Variants in MTMR9 observed in about 807,000 individuals in gnomAD.
MTMR9 encodes the protein myotubularin related protein 9.
Under a neutral mutation model 69.5 loss-of-function variants are expected in MTMR9, and 39 were observed. The ratio of observed to expected loss-of-function variants is 0.56; its 90% CI spans 0.43 to 0.73. The LOEUF (loss-of-function observed/expected upper bound fraction) is 0.73. Among genes scored for constraint, MTMR9 ranks in the 30% least tolerant of loss-of-function variants. The pLI is 0.00. For missense variants in MTMR9, 900 were observed against 671.2 expected, an observed-to-expected ratio of 1.34 and a Z score of -3.77; for synonymous variants, 354 against 240.8, an observed-to-expected ratio of 1.47 and a Z score of -4.35.
rs940735241 is a variant in MTMR9 at position 11,316,798 on chromosome 8, T to G, written c.1239T>G (p.Cys413Trp). ...GGCAGATCCTTCGTCAGTTTCCCTG[T>G]TCTTTTGAGTTTAATGAGAATTTCC... ...CVWQILRQFP[C>W]SFEFNENFLI... The change falls in exon 8 of 10, where the codon TGT becomes TGG. Residue 413 changes from cysteine to tryptophan, a missense_variant. Physicochemically the swap from Cys to Trp is radical, Grantham distance 215. Coordinates refer to ENST00000221086, the MANE Select transcript of MTMR9 (RefSeq NM_015458.4). 1.9e-6 allele frequency: 3 copies of G among 1,613,816 alleles called. No individual in the cohort carries two copies. The Admixed American group carries it at 5.0e-5, about 27-fold the overall frequency.
chr8:11,309,716 G>A (rs1800115205), intron 6 of MTMR9, 28 bp downstream of exon 6: 8 of 1,608,104 alleles, frequency 5.0e-6, no homozygotes, highest in African/African-American at 1.3e-5. Context: ...GTTCCTGAGC[G>A]AAACATGGCG....
intron 1 of MTMR9, among the ~76,000 whole-genome samples, chr8:11,287,738 T>TATTATAATATA: frequency 7.4e-6 from 1 of 135,390 alleles, no homozygotes; most frequent in African/African-American, 2.8e-5. Flanking sequence ...ATATTATATA[T>TATTATAATATA]TATTTTCTTA....
chr8:11,325,929 C>T lies in MTMR9; in HGVS notation c.*3141C>T, dbSNP rs896562587. On this transcript the variant is annotated 3_prime_UTR_variant, in exon 10 of 10. Transcript: ENST00000221086. Reference sequence around the variant, plus strand: ...AAGACTTGGGGGGGACAATAATAGACATTCATGTCAGATCCCATATGGGGG... The same window carrying T: ...AAGACTTGGGGGGGACAATAATAGATATTCATGTCAGATCCCATATGGGGG... 3.9e-5 allele frequency: 6 copies of T among 152,052 alleles called. No homozygotes were observed. Among genetic ancestry groups the T allele is most frequent in the African/African-American group, 1.4e-4 (6 of 41,398 alleles). The allele number at this position is 152,052 out of a possible 1,614,324, so 9.4% of individuals were successfully genotyped here.
chr8:11,315,058 G>C lies in MTMR9; in HGVS notation c.1107G>C (p.Trp369Cys). Residue 369 changes from tryptophan (W) to cysteine (C), a missense_variant, in exon 7 of 10, where the codon TGG (tryptophan) becomes TGC (cysteine). Trp to Cys is a radical substitution (Grantham distance 215). Coordinates refer to ENST00000221086, the MANE Select transcript of MTMR9 (RefSeq NM_015458.4). ...TTGAGGCCCTGATTGAAAGAGAGTG[G>C]CTGCAGGTGAGAAGAGCTGTTTGAT... Reference protein sequence around the residue: ...RGFEALIEREWLQAGHPFQQR... With the variant: ...RGFEALIERECLQAGHPFQQR... 2 of 1,613,438 alleles carry C rather than the reference G, an allele frequency of 1.2e-6. No individual in the cohort carries two copies. The highest frequency in any genetic ancestry group is 1.3e-5 in the African/African-American group (1 of 75,026).
chr8:11,288,377 CA>C (rs1799268617), intron 1 of MTMR9, among the ~76,000 whole-genome samples: 2 of 141,096 alleles, frequency 1.4e-5, no homozygotes, highest in African/African-American at 5.3e-5. Context: ...ATAATGATGT[CA>C]GGTAATAAGG....
At chr8:11,328,833 C>T (rs542335186), downstream of MTMR9, among the ~76,000 whole-genome samples, 1 of 152,360 alleles carries the variant, frequency 6.6e-6, no homozygotes, top group African/African-American at 2.4e-5. Context: ...ATATCAACAT[C>T]ATGTGCCTTC....
intron 4 of MTMR9, among the ~76,000 whole-genome samples, chr8:11,305,878 T>C (rs1799921046): frequency 6.6e-6 from 1 of 152,240 alleles, no homozygotes; most frequent in Admixed American, 6.5e-5. Flanking sequence ...ATTGTCTTTA[T>C]TACAGGTCCA....
At chr8:11,332,861 A>T (rs2117504999), downstream of MTMR9, among the ~76,000 whole-genome samples, 1 of 152,288 alleles carries the variant, frequency 6.6e-6, no homozygotes, top group African/African-American at 2.4e-5. Flanking sequence ...TGGCCTCCCA[A>T]AATGCTGGGA....
At chr8:11,306,819 G>A (rs529353380) in intron 5 of MTMR9, among the ~76,000 whole-genome samples, 20 of 152,242 alleles carry the variant, frequency 1.3e-4, no homozygotes, top group Non-Finnish European at 2.2e-4. Flanking sequence ...GTGAAACTTT[G>A]TTGTTACCTT....
Position 11,327,051 on chromosome 8 carries a change from C to T in MTMR9, c.*4263C>T, listed in dbSNP as rs1800967575. The T allele has an allele frequency of 6.7e-6, 1 of 149,878 alleles. No individual in the cohort carries two copies. Among genetic ancestry groups the T allele is most frequent in the Non-Finnish European group, 1.5e-5 (1 of 67,668 alleles). The allele number at this position is 149,878 out of a possible 1,614,324, so 9.3% of individuals were successfully genotyped here. A position where few individuals can be genotyped will look rare whatever the true frequency, so the allele number is the denominator to read the frequency against. On this transcript the variant is annotated 3_prime_UTR_variant, in exon 10 of 10. Coordinates refer to ENST00000221086, the MANE Select transcript of MTMR9 (RefSeq NM_015458.4). The stretch of plus-strand genomic sequence containing the variant: ...AAATATATACTGATACTATAACTTT[C>T]TTATGGTATCAGTTTTCTTTATTTT...
intron 6 of MTMR9, among the ~76,000 whole-genome samples, chr8:11,312,248 G>T (rs936923708): frequency 4.0e-5 from 6 of 151,810 alleles, no homozygotes; most frequent in Admixed American, 3.3e-4. Flanking sequence ...TGTGGTTTCT[G>T]TTTATTGCCC....
intron 6 of MTMR9, among the ~76,000 whole-genome samples, chr8:11,312,297 G>A (rs940775317): frequency 6.6e-6 from 1 of 151,656 alleles, no homozygotes; most frequent in African/African-American, 2.4e-5. Flanking sequence ...CAATCCTCCT[G>A]CCTCAGCCTC....
At chr8:11,330,150 G>A (rs1801148205), downstream of MTMR9, among the ~76,000 whole-genome samples, 1 of 151,914 alleles carries the variant, frequency 6.6e-6, no homozygotes, top group Non-Finnish European at 1.5e-5. Context: ...CGGGAGGGAG[G>A]TCGGGGATCA....
rs139489929 is a variant in MTMR9 at position 11,304,604 on chromosome 8, G to A, written c.418-237G>A. On this transcript the variant is annotated intron_variant, in intron 3 of 9. Coordinates refer to ENST00000221086, the MANE Select transcript of MTMR9 (RefSeq NM_015458.4). ...TACAGAGCAACAAGTTTTGCTCAGT[G>A]TGAGAAAGCACTTTCTGGGAACTGG... Among the ~76,000 whole-genome samples the A allele has an allele frequency of 1.0e-3, 152 of 152,326 alleles. 1 individual carries two copies. Among genetic ancestry groups the A allele is most frequent in the African/African-American group, 3.5e-3 (144 of 41,576 alleles).
intron 6 of MTMR9, among the ~76,000 whole-genome samples, chr8:11,310,767 GTTTTTT>G (rs144642434): frequency 6.6e-6 from 1 of 151,714 alleles, no homozygotes; most frequent in Non-Finnish European, 1.5e-5. Flanking sequence ...AGAGGCTTCT[GTTTTTT>G]TTATGAAACA....
intron 3 of MTMR9, among the ~76,000 whole-genome samples, chr8:11,304,127 C>T (rs1411447074): frequency 6.6e-6 from 1 of 151,728 alleles, no homozygotes; most frequent in Admixed American, 6.6e-5. Context: ...AATAAGTTGT[C>T]ATTTGATAGT....
chr8:11,310,069 A>T (rs1800135402), intron 6 of MTMR9, among the ~76,000 whole-genome samples: 2 of 152,194 alleles, frequency 1.3e-5, no homozygotes, highest in Non-Finnish European at 2.9e-5. Flanking sequence ...CTTTTGAAAT[A>T]TCAGCGAAAG....
the MTMR9 span, among the ~76,000 whole-genome samples, chr8:11,333,890 G>A: frequency 6.6e-6 from 1 of 152,218 alleles, no homozygotes; most frequent in African/African-American, 2.4e-5. Context: ...GGTATTAAGA[G>A]GTGGAACCTT....
Position 11,322,995 on chromosome 8 carries a change from C to T in MTMR9, c.*207C>T. 1 of 380,840 alleles carries T rather than the reference C, an allele frequency of 2.6e-6. No homozygotes were observed. The highest frequency in any genetic ancestry group is 4.6e-6 in the Non-Finnish European group (1 of 217,346). 23.6% of individuals were successfully genotyped at this position (380,840 alleles called of 1,614,324 possible). On this transcript the variant is annotated 3_prime_UTR_variant, in exon 10 of 10. Coordinates refer to ENST00000221086, the MANE Select transcript of MTMR9 (RefSeq NM_015458.4). ...TTTCATGTGGCCTGTTAGGGCCTGT[C>T]ACTTTGGGAGCCGGAAGGAGGTGCT...
Sources: gnomAD v4.1 joint callset for allele counts (sites outside exome capture counted in the v4.1 genomes callset) on GRCh38, gnomAD v4.1.1 for gene constraint, MANE v1.5 for transcripts, NCBI Gene and HGNC (gene_info 2026-07-23, HGNC 2026-07-21) for gene names.